Variants in ZNF766 observed in about 807,000 individuals in gnomAD.
ZNF766 encodes the protein zinc finger protein 766.
Under a neutral mutation model 13.2 loss-of-function variants are expected in ZNF766, and 13 were observed. The ratio of observed to expected loss-of-function variants is 0.98; its 90% CI spans 0.64 to 1.56. The LOEUF (loss-of-function observed/expected upper bound fraction) is 1.56. Ranked by LOEUF, ZNF766 falls within the 40% of genes most tolerant of loss-of-function variation. The pLI is 0.00. For synonymous variants in ZNF766, 178 were observed against 187.6 expected (o/e 0.95, Z 0.42); for missense variants, 521 against 552.2 (o/e 0.94, Z 0.57).
At chr19:52,289,806 C>A (rs1363228325) in intron 3 of ZNF766, among the ~76,000 whole-genome samples, 1 of 152,100 alleles carries the variant, frequency 6.6e-6, no homozygotes, top group Admixed American at 6.6e-5. Flanking sequence ...CGAGACCATC[C>A]TGGCTAACAC....
At chr19:52,277,327 C>T (rs185543087) in intron 1 of ZNF766, 36 of 925,962 alleles carry the variant, frequency 3.9e-5, no homozygotes, top group East Asian at 3.5e-4. Flanking sequence ...GGCGTGTTGG[C>T]GGGCACCTGT....
In ZNF766 at chr19:52,292,460, T is replaced by C. The variant is rs925091012; in HGVS notation, c.*1262T>C. On this transcript the variant is annotated 3_prime_UTR_variant, in exon 4 of 4. Transcript: ENST00000439461. Reference sequence around the variant, plus strand: ...TATGGGAAGAGAGTTCATCAGGGACTGATTACGTAGGAGAGACGATGCAGG... The same window carrying C: ...TATGGGAAGAGAGTTCATCAGGGACCGATTACGTAGGAGAGACGATGCAGG... 42 of 402,772 alleles carry C rather than the reference T, an allele frequency of 1.0e-4. No individual in the cohort carries two copies. Among genetic ancestry groups the C allele is most frequent in the Admixed American group, 4.2e-4 (10 of 23,628 alleles). The allele number at this position is 402,772 out of a possible 1,614,324, so 24.9% of individuals were successfully genotyped here.
intron 1 of ZNF766, among the ~76,000 whole-genome samples, chr19:52,274,301 C>T (rs535259176): frequency 2.6e-5 from 4 of 152,284 alleles, no homozygotes; most frequent in East Asian, 1.9e-4. Context: ...AAGGACATTT[C>T]GGTCAACAGC....
intron 1 of ZNF766, among the ~76,000 whole-genome samples, chr19:52,274,240 T>G (rs1981096937): frequency 6.6e-6 from 1 of 152,148 alleles, no homozygotes; most frequent in Non-Finnish European, 1.5e-5. Context: ...CCAAATCAGA[T>G]GATCTTCAAG....
rs1394281586 is a variant in ZNF766, at chr19:52,290,717, G to A, written c.926G>A (p.Ser309Asn). The stretch of plus-strand genomic sequence containing the variant: ...TGTAACAAATGTGGCAAGGTTTATA[G>A]TAGCAGTTCATACCTAGCACAACAT... ...HKCNKCGKVY[S>N]SSSYLAQHWR... Residue 309 changes from serine (S) to asparagine (N), a missense_variant, in exon 4 of 4, where the codon AGT becomes AAT. Transcript: ENST00000439461. The A allele has an allele frequency of 6.2e-7, 1 of 1,613,964 alleles. No homozygotes were observed. The highest frequency in any genetic ancestry group is 1.7e-5 in the Admixed American group (1 of 59,958).
intron 2 of ZNF766, 115 bp from the exon 3 acceptor site, chr19:52,283,169 TC>T: frequency 7.7e-7 from 1 of 1,303,916 alleles, no homozygotes; most frequent in Non-Finnish European, 1.0e-6. Flanking sequence ...TTTTTCATGA[TC>T]GCCATTCTAA....
intron 1 of ZNF766, among the ~76,000 whole-genome samples, chr19:52,271,230 G>A (rs867075043): frequency 6.6e-6 from 1 of 152,236 alleles, no homozygotes; most frequent in Middle Eastern, 3.4e-3. Flanking sequence ...GTGTGTTTTG[G>A]AAACCGTTAA....
chr19:52,287,826 C>A (rs1784573467), intron 3 of ZNF766, among the ~76,000 whole-genome samples: 1 of 151,982 alleles, frequency 6.6e-6, no homozygotes, highest in African/African-American at 2.4e-5. Flanking sequence ...GTAATGTCCT[C>A]TTTTACCTTT....
At chr19:52,276,177 C>T (rs761185978) in intron 1 of ZNF766, among the ~76,000 whole-genome samples, 2 of 152,110 alleles carry the variant, frequency 1.3e-5, no homozygotes, top group African/African-American at 4.8e-5. Flanking sequence ...TCTGAAAATG[C>T]GTTTCTCAGA....
intron 3 of ZNF766, among the ~76,000 whole-genome samples, chr19:52,289,170 A>T (rs1441339895): frequency 1.0e-4 from 11 of 109,244 alleles, no homozygotes; most frequent in African/African-American, 1.4e-4. Context: ...TTTTTTTTTG[A>T]AACGGATTCT....
intron 3 of ZNF766, among the ~76,000 whole-genome samples, chr19:52,283,677 T>A (rs918113730): frequency 7.2e-5 from 11 of 152,198 alleles, no homozygotes; most frequent in African/African-American, 2.2e-4. Flanking sequence ...TGTGAGTTCT[T>A]AAGAGAAATC....
intron 1 of ZNF766, 42 bp from the exon 2 acceptor site, chr19:52,282,069 C>T: frequency 6.3e-7 from 1 of 1,577,118 alleles, no homozygotes; most frequent in Non-Finnish European, 8.6e-7. Context: ...AACATAATTA[C>T]TCTCTCCTTA....
chr19:52,290,038 A>G (rs1208707888), intron 3 of ZNF766, 28 bp from the exon 4 acceptor site: 1 of 1,562,382 alleles, frequency 6.4e-7, no homozygotes, highest in African/African-American at 1.4e-5. Context: ...CCATGGGTTC[A>G]AATTATACTC....
chr19:52,277,624 G>A (rs1233368590), intron 1 of ZNF766: 8 of 1,426,946 alleles, frequency 5.6e-6, no homozygotes, highest in Admixed American at 2.0e-5. Flanking sequence ...TCTTCTCTGA[G>A]TCTGAAGCAT....
intron 3 of ZNF766, among the ~76,000 whole-genome samples, chr19:52,288,582 A>G (rs55798076): frequency 0.088 from 12,889 of 145,822 alleles, 1,207 homozygotes; most frequent in African/African-American, 0.24. Flanking sequence ...TTTAGAGATA[A>G]GGGGTCTCAC....
In ZNF766 at chr19:52,290,930, A is replaced by G; in HGVS notation, c.1139A>G (p.Glu380Gly). 6.2e-7 allele frequency: 1 copy of G among 1,614,146 alleles called. No homozygotes were observed. The highest frequency in any genetic ancestry group is 1.1e-5 in the South Asian group (1 of 91,080). The change falls in exon 4 of 4, where the codon GAG becomes GGG. Residue 380 changes from glutamate to glycine, a missense_variant. Physicochemically the swap from Glu to Gly is moderately conservative, Grantham distance 98. Coordinates refer to ENST00000439461, the MANE Select transcript of ZNF766 (RefSeq NM_001010851.3). Reference protein sequence around the residue: ...LTVHQRNHNGEKPYKCHECGK... With the variant: ...LTVHQRNHNGGKPYKCHECGK... ...GTTCATCAGAGAAATCATAATGGAG[A>G]GAAACCTTATAAATGTCATGAATGT...
Position 52,290,100 on chromosome 19 carries a change from C to T in ZNF766, c.309C>T (p.Asn103=). 6.2e-6 allele frequency: 10 copies of T among 1,613,222 alleles called. No individual in the cohort carries two copies. Among genetic ancestry groups the T allele is most frequent in the Non-Finnish European group, 8.5e-6 (10 of 1,179,480 alleles). ...RSCAVRSKAG[N]KPITNQLGLT... is the part of the protein sequence containing the mutation. ...GTGCAGTGAGAAGCAAAGCAGGAAA[C>T]AAGCCTATTACAAATCAACTTGGAT... is the stretch of plus-strand genomic sequence containing the variant. The change falls in exon 4 of 4, where the codon AAC becomes AAT. Residue 103 remains asparagine, a synonymous_variant. Transcript: ENST00000439461.
At chr19:52,288,664 G>A (rs555701542) in intron 3 of ZNF766, among the ~76,000 whole-genome samples, 1 of 149,144 alleles carries the variant, frequency 6.7e-6, no homozygotes, top group South Asian at 2.1e-4. Context: ...AAAGTGCTGC[G>A]ATTATAGGTG....
chr19:52,273,139 G>T (rs1179188308), intron 1 of ZNF766, among the ~76,000 whole-genome samples: 1 of 152,048 alleles, frequency 6.6e-6, no homozygotes, highest in Non-Finnish European at 1.5e-5. Context: ...CTCCCAAGTA[G>T]CTGGGACTAC....
Sources: gnomAD v4.1 joint callset for allele counts (sites outside exome capture counted in the v4.1 genomes callset) on GRCh38, gnomAD v4.1.1 for gene constraint, MANE v1.5 for transcripts, NCBI Gene and HGNC (gene_info 2026-07-23, HGNC 2026-07-21) for gene names.